BBOX1: variants seen among roughly 807,000 people sequenced by gnomAD.
BBOX1 encodes gamma-butyrobetaine hydroxylase 1.
Under a neutral mutation model 41.6 loss-of-function variants are expected in BBOX1, and 35 were observed. That is an observed-to-expected ratio of 0.84 (90% CI 0.64 to 1.11). The LOEUF is 1.11. Among genes scored for constraint, BBOX1 ranks in the 50% most tolerant of loss-of-function variants. BBOX1 has a pLI of 0.00. For synonymous variants in BBOX1, 163 were observed against 154.7 expected, an observed-to-expected ratio of 1.05 and a Z score of -0.40; for missense variants, 458 against 460.6, an observed-to-expected ratio of 0.99 and a Z score of 0.05.
chr11:27,051,237 T>C (rs1431566791), intron 2 of BBOX1, among the ~76,000 whole-genome samples: 1 of 152,098 alleles, frequency 6.6e-6, no homozygotes, highest in Non-Finnish European at 1.5e-5. Flanking sequence ...ATTTTGCTAG[T>C]ATTTTGTTAA....
rs556946823 is a variant in BBOX1, at chr11:27,123,963, G to T, written c.837-1691G>T. Among the ~76,000 whole-genome samples the T allele has an allele frequency of 2.0e-5, 3 of 152,228 alleles. No homozygotes were observed. The South Asian group carries it at 6.2e-4, about 32-fold the overall frequency. The stretch of plus-strand genomic sequence containing the variant: ...TTCTTTCCCAGTGTGGGTTCAATAG[G>T]TAGTTTTAAGGCCTTACCCAATAAG... On this transcript the variant is annotated intron_variant, in intron 7 of 8. Transcript: ENST00000263182.
intron 4 of BBOX1, among the ~76,000 whole-genome samples, chr11:27,078,833 A>C (rs1857726486): frequency 6.6e-6 from 1 of 152,148 alleles, no homozygotes. Context: ...TGTGAACTTG[A>C]CTTAGTTTCA....
chr11:27,060,878 A>G (rs926066880), intron 4 of BBOX1, among the ~76,000 whole-genome samples: 1 of 152,220 alleles, frequency 6.6e-6, no homozygotes, highest in Non-Finnish European at 1.5e-5. Flanking sequence ...TTAAATCCAG[A>G]TGGGTATCCA....
intron 4 of BBOX1, among the ~76,000 whole-genome samples, chr11:27,082,600 A>C (rs1298276328): frequency 2.0e-5 from 3 of 152,126 alleles, no homozygotes; most frequent in Non-Finnish European, 4.4e-5. Context: ...ATATTGTCTG[A>C]TGCTGGACAA....
At chr11:27,116,602 T>C (rs550502357) in intron 6 of BBOX1, among the ~76,000 whole-genome samples, 11 of 152,004 alleles carry the variant, frequency 7.2e-5, no homozygotes, top group African/African-American at 1.7e-4. Flanking sequence ...ATACCTGCAA[T>C]TGGTTGCTAA....
intron 4 of BBOX1, among the ~76,000 whole-genome samples, chr11:27,072,120 G>T (rs1053709902): frequency 2.0e-5 from 3 of 152,124 alleles, no homozygotes; most frequent in African/African-American, 7.2e-5. Context: ...AGGAAAAGAG[G>T]AAGTCAAATT....
intron 4 of BBOX1, among the ~76,000 whole-genome samples, chr11:27,062,128 G>A (rs1857148287): frequency 6.6e-6 from 1 of 152,156 alleles, no homozygotes; most frequent in South Asian, 2.1e-4. Context: ...GTCAGGCAAA[G>A]ATAGATAGAA....
intron 6 of BBOX1, among the ~76,000 whole-genome samples, chr11:27,115,863 CT>C (rs1181824071): frequency 1.3e-5 from 2 of 151,844 alleles, no homozygotes; most frequent in African/African-American, 4.8e-5. Context: ...AGGAGTAAAT[CT>C]TAAGGTCTTT....
In BBOX1 at chr11:27,106,625, C is replaced by T. The variant is rs896474840; in HGVS notation, c.534-8827C>T. ...ACCTACAAAGAGACTTAGTCTCCCA[C>T]ACAATAATAATGGGAGACTTTAACA... On this transcript the variant is annotated intron_variant, in intron 5 of 8. Coordinates refer to ENST00000263182, the MANE Select transcript of BBOX1 (RefSeq NM_003986.3). Among the ~76,000 whole-genome samples the T allele has an allele frequency of 3.3e-5, 5 of 152,054 alleles. No homozygotes were observed. In the South Asian group the frequency reaches 6.2e-4, roughly 19 times the overall value.
chr11:27,057,590 C>T (rs1857024377), intron 4 of BBOX1, among the ~76,000 whole-genome samples: 1 of 152,242 alleles, frequency 6.6e-6, no homozygotes, highest in East Asian at 1.9e-4. Flanking sequence ...GCACAGCATA[C>T]CACAGACACT....
chr11:27,043,398 GTACATGTGCAGAATGTGCACGTT>G, intron 2 of BBOX1, among the ~76,000 whole-genome samples: 1 of 151,756 alleles, frequency 6.6e-6, no homozygotes, highest in East Asian at 1.9e-4. Flanking sequence ...AAGTGCTGGG[GTACATGTGCAGAATGTGCACGTT>G]TGGGGTACAT....
intron 4 of BBOX1, among the ~76,000 whole-genome samples, chr11:27,080,799 C>T (rs886957076): frequency 6.6e-6 from 1 of 152,050 alleles, no homozygotes; most frequent in Non-Finnish European, 1.5e-5. Context: ...AAGAAACAGT[C>T]AGATAGGAAC....
At chr11:27,068,169 A>G (rs1399613524) in intron 4 of BBOX1, among the ~76,000 whole-genome samples, 9 of 152,060 alleles carry the variant, frequency 5.9e-5, no homozygotes, top group African/African-American at 2.2e-4. Context: ...TTCCATAAAG[A>G]TTGTCCTAAT....
chr11:27,083,754 C>T (rs1857935286), intron 4 of BBOX1, among the ~76,000 whole-genome samples: 3 of 152,110 alleles, frequency 2.0e-5, no homozygotes, highest in Admixed American at 2.0e-4. Context: ...TTTTCCCCAA[C>T]AAGAGAAGTG....
At chr11:27,122,236 C>T (rs1042289130) in intron 7 of BBOX1, among the ~76,000 whole-genome samples, 29 of 152,004 alleles carry the variant, frequency 1.9e-4, no homozygotes, top group African/African-American at 6.5e-4. Context: ...AAATTAATGA[C>T]GGTGAGACTC....
chr11:27,115,537 G>T lies in BBOX1; in HGVS notation c.619G>T (p.Ala207Ser). Residue 207 changes from alanine to serine, a missense_variant, in exon 6 of 9, where the codon GCC (alanine) becomes TCC (serine). Coordinates refer to ENST00000263182, the MANE Select transcript of BBOX1 (RefSeq NM_003986.3). ...GKLSFHTDYP[A>S]LHHPPGVQLL... ...GCTAAGCTTTCACACTGATTATCCA[G>T]CCCTCCATCATCCACCTGGGGTAAG... 6.2e-7 allele frequency: 1 copy of T among 1,610,146 alleles called. No individual in the cohort carries two copies. The highest frequency in any genetic ancestry group is 8.5e-7 in the Non-Finnish European group (1 of 1,177,676).
intron 5 of BBOX1, among the ~76,000 whole-genome samples, chr11:27,111,789 C>A (rs1047385910): frequency 8.6e-5 from 13 of 151,780 alleles, no homozygotes; most frequent in African/African-American, 2.7e-4. Context: ...TCTCATCATC[C>A]CTCTGTAAGC....
intron 4 of BBOX1, among the ~76,000 whole-genome samples, chr11:27,068,664 G>A (rs1230082282): frequency 6.6e-6 from 1 of 152,056 alleles, no homozygotes; most frequent in African/African-American, 2.4e-5. Flanking sequence ...ATGTCCAGAA[G>A]AGTTTTTCCT....
chr11:27,096,294 C>A (rs1210115580), intron 5 of BBOX1, among the ~76,000 whole-genome samples: 1 of 152,002 alleles, frequency 6.6e-6, no homozygotes, highest in East Asian at 1.9e-4. Flanking sequence ...CCTTTCATAT[C>A]TTTGTTTCTC....
Sources: allele counts gnomAD v4.1 joint callset (sites outside exome capture counted in the v4.1 genomes callset), GRCh38; gene constraint gnomAD v4.1.1; transcripts MANE v1.5; gene names NCBI Gene and HGNC (gene_info 2026-07-23, HGNC 2026-07-21).